VIPR2: variants seen among roughly 807,000 people sequenced by gnomAD.
VIPR2 encodes vasoactive intestinal peptide receptor 2, also known as vasoactive intestinal polypeptide receptor 2.
VIPR2 carries 48 observed loss-of-function variants against 58.0 expected under a neutral mutation model. The observed-to-expected ratio is 0.83, with a 90% CI of 0.66 to 1.05. The LOEUF (loss-of-function observed/expected upper bound fraction) is 1.05. VIPR2 is among the 50% of genes least tolerant of loss of function. VIPR2 has a pLI of 0.00. For missense variants in VIPR2, 534 were observed against 558.0 expected (o/e 0.96, Z 0.43); for synonymous variants, 243 against 235.2 (o/e 1.03, Z -0.30).
intron 2 of VIPR2, among the ~76,000 whole-genome samples, chr7:159,135,016 T>TTTTTATTTA (rs1797150121): frequency 2.3e-5 from 3 of 128,532 alleles, no homozygotes; most frequent in African/African-American, 9.6e-5. Context: ...TTTTTTTTTT[T>TTTTTATTTA]TTTTTTTTTT....
chr7:159,134,049 CTAAGT>C (rs1797097880), intron 2 of VIPR2, among the ~76,000 whole-genome samples: 1 of 152,130 alleles, frequency 6.6e-6, no homozygotes, highest in African/African-American at 2.4e-5. Flanking sequence ...TGAAATTATA[CTAAGT>C]TAAATTAAAT....
chr7:159,056,742 G>C (rs547571965), intron 5 of VIPR2, among the ~76,000 whole-genome samples: 1 of 152,248 alleles, frequency 6.6e-6, no homozygotes, highest in South Asian at 2.1e-4. Context: ...CTGCTTCCTG[G>C]GTATAATTAC....
intron 5 of VIPR2, among the ~76,000 whole-genome samples, chr7:159,047,456 CAT>C (rs1032907072): frequency 1.3e-5 from 2 of 151,964 alleles, no homozygotes; most frequent in African/African-American, 4.8e-5. Context: ...AATATTTTTT[CAT>C]AGTTTCCATT....
chr7:159,058,694 A>C, intron 4 of VIPR2, 116 bp from the exon 5 acceptor site: 1 of 755,724 alleles, frequency 1.3e-6, no homozygotes, highest in Non-Finnish European at 2.2e-6. Flanking sequence ...GCCTGCCTGG[A>C]AGGCACGAGA....
At chr7:159,094,160 C>T (rs1563319587) in intron 4 of VIPR2, among the ~76,000 whole-genome samples, 2 of 152,226 alleles carry the variant, frequency 1.3e-5, no homozygotes, top group African/African-American at 2.4e-5. Context: ...CCCTCTGCTC[C>T]ATCCCCATGG....
At chr7:159,100,271 C>G (rs1293702624) in intron 4 of VIPR2, among the ~76,000 whole-genome samples, 1 of 152,236 alleles carries the variant, frequency 6.6e-6, no homozygotes, top group Non-Finnish European at 1.5e-5. Flanking sequence ...TAAGCCTCAG[C>G]TTCTCCATCC....
In VIPR2 at chr7:159,142,547, T is replaced by TG. The variant is rs1213071085; in HGVS notation, c.52-3dup. ...GCATTCTGGGTGAATGCTGTTCACCTGTTCACGGTTAAAAGAAATATTAAT... is the reference window on the plus strand; with the variant it reads ...GCATTCTGGGTGAATGCTGTTCACCTGGTTCACGGTTAAAAGAAATATTAAT... On this transcript the variant is annotated splice_polypyrimidine_tract_variant and splice_region_variant and intron_variant, in intron 1 of 12. Transcript: ENST00000262178. 1 of 1,599,744 alleles carries TG rather than the reference T, an allele frequency of 6.3e-7. No individual in the cohort carries two copies. The highest frequency in any genetic ancestry group is 1.7e-5 in the Admixed American group (1 of 58,666).
chr7:159,047,563 A>G (rs1854731836), intron 5 of VIPR2, among the ~76,000 whole-genome samples: 1 of 152,186 alleles, frequency 6.6e-6, no homozygotes, highest in Non-Finnish European at 1.5e-5. Context: ...ATTTATTGCA[A>G]TTCATTTGGA....
At chr7:159,042,080 C>T (rs573227264) in intron 6 of VIPR2, among the ~76,000 whole-genome samples, 19 of 152,238 alleles carry the variant, frequency 1.2e-4, no homozygotes, top group African/African-American at 3.6e-4. Flanking sequence ...TGCATGAAGA[C>T]GATGATGGGC....
rs187010173 is a variant in VIPR2, at chr7:159,060,660, C to T, written c.358-2082G>A. ...CCACCACCTGACTCACCTCATGGAA[C>T]CCATCTTCACCTCACCTAACCACTA... On this transcript the variant is annotated intron_variant, in intron 4 of 12. Transcript: ENST00000262178. Among the ~76,000 whole-genome samples, 35 of 151,810 alleles carry T rather than the reference C, an allele frequency of 2.3e-4. 2 individuals carry two copies. The South Asian group carries it at 6.5e-3, about 28-fold the overall frequency.
chr7:159,064,104 C>A (rs1426941336), intron 4 of VIPR2, among the ~76,000 whole-genome samples: 1 of 151,270 alleles, frequency 6.6e-6, no homozygotes, highest in African/African-American at 2.4e-5. Context: ...AAACGCCTCT[C>A]ATGTGATTCT....
At chr7:159,083,689 C>G (rs746930185) in intron 4 of VIPR2, among the ~76,000 whole-genome samples, 2 of 152,206 alleles carry the variant, frequency 1.3e-5, no homozygotes, top group Admixed American at 6.5e-5. Flanking sequence ...CTGGTGGACA[C>G]GTTTACTGTC....
At chr7:159,065,138 C>T (rs540182502) in intron 4 of VIPR2, among the ~76,000 whole-genome samples, 3 of 152,202 alleles carry the variant, frequency 2.0e-5, no homozygotes, top group African/African-American at 7.2e-5. Context: ...AGGCTTGATC[C>T]CTGGGGAGTG....
intron 1 of VIPR2, 75 bp downstream of exon 1, chr7:159,144,646 C>T (rs1463090777): frequency 7.3e-7 from 1 of 1,372,980 alleles, no homozygotes; most frequent in Non-Finnish European, 9.5e-7. Context: ...CGAAGACCGG[C>T]GGGAGGAGCG....
chr7:159,094,266 C>T (rs79725155), intron 4 of VIPR2, among the ~76,000 whole-genome samples: 2,324 of 152,238 alleles, frequency 0.015, 48 homozygotes, highest in East Asian at 0.084. Context: ...CTGATGAGCA[C>T]GTGGAATCTT....
rs1406140393 is a variant in VIPR2 at position 159,043,029 on chromosome 7, C to A, written c.597+6G>T. 1 of 1,613,286 alleles carries A rather than the reference C, an allele frequency of 6.2e-7. No individual in the cohort carries two copies. Among genetic ancestry groups the A allele is most frequent in the South Asian group, 1.1e-5 (1 of 90,956 alleles). On this transcript the variant is annotated splice_donor_region_variant and intron_variant, in intron 6 of 12. Coordinates refer to ENST00000262178, the MANE Select transcript of VIPR2 (RefSeq NM_003382.5). Reference sequence around the variant, plus strand: ...CAGTGGGACCCTGTGGTGGGGACAGCCTTACCCAGGAGGATGGCTGGTCAG... The same window carrying A: ...CAGTGGGACCCTGTGGTGGGGACAGACTTACCCAGGAGGATGGCTGGTCAG...
At chr7:159,059,455 C>T (rs1419296178) in intron 4 of VIPR2, 1 of 395,392 alleles carries the variant, frequency 2.5e-6, no homozygotes, top group Non-Finnish European at 5.2e-6. Flanking sequence ...CCAAACCTCA[C>T]TGTTATTTTG....
intron 4 of VIPR2, among the ~76,000 whole-genome samples, chr7:159,078,530 C>T (rs1024807567): frequency 5.3e-5 from 8 of 152,156 alleles, no homozygotes; most frequent in Non-Finnish European, 1.5e-5. Flanking sequence ...GCAATGTGCC[C>T]CATACATTAG....
intron 3 of VIPR2, among the ~76,000 whole-genome samples, chr7:159,105,170 G>A (rs76347905): frequency 1.3e-5 from 2 of 152,256 alleles, no homozygotes; most frequent in Admixed American, 1.3e-4. Context: ...GAAGGTGTCC[G>A]AGCCGTAAGA....
Sources: allele counts gnomAD v4.1 joint callset (sites outside exome capture counted in the v4.1 genomes callset), GRCh38; gene constraint gnomAD v4.1.1; transcripts MANE v1.5; gene names NCBI Gene and HGNC (gene_info 2026-07-23, HGNC 2026-07-21).